Variants in NIPAL2 observed in about 807,000 individuals in gnomAD.
NIPAL2 encodes the protein NIPA like domain containing 2.
A neutral mutation model predicts 48.9 loss-of-function variants in NIPAL2; 43 were observed. The ratio of observed to expected loss-of-function variants is 0.88; its 90% CI spans 0.69 to 1.13. The LOEUF is 1.13. Among genes scored for constraint, NIPAL2 ranks in the 50% most tolerant of loss-of-function variants. NIPAL2 has a pLI of 0.00. For missense variants in NIPAL2, 446 were observed against 461.4 expected (o/e 0.97, Z 0.31); for synonymous variants, 167 against 174.6 (o/e 0.96, Z 0.34).
chr8:98,267,213 A>AT (rs1184489049), intron 1 of NIPAL2, among the ~76,000 whole-genome samples: 4 of 152,148 alleles, frequency 2.6e-5, no homozygotes, highest in Admixed American at 2.0e-4. Context: ...ACCAATTATA[A>AT]TTTTTTTAAT....
intron 1 of NIPAL2, among the ~76,000 whole-genome samples, chr8:98,260,947 G>A (rs1180223225): frequency 3.9e-5 from 6 of 152,136 alleles, no homozygotes; most frequent in Non-Finnish European, 7.4e-5. Flanking sequence ...CGGGCAGACT[G>A]CCTCCTCAAG....
At position 98,252,562 on chromosome 8, in the gene NIPAL2, C is replaced by T. The variant is rs776014553; in HGVS notation, c.277G>A (p.Gly93Ser). 6.2e-7 allele frequency: 1 copy of T among 1,614,076 alleles called. No homozygotes were observed. The highest frequency in any genetic ancestry group is 8.5e-7 in the Non-Finnish European group (1 of 1,180,004). The change falls in exon 3 of 11, where the codon GGT (glycine) becomes AGT (serine). Residue 93 changes from glycine (G) to serine (S), a missense_variant. By Grantham distance (56) the Gly-to-Ser change is moderately conservative. Coordinates refer to ENST00000430223, the MANE Select transcript of NIPAL2 (RefSeq NM_001321635.2). Reference protein sequence around the residue: ...PYFKSVLWWGGVLLMAVGETG... With the variant: ...PYFKSVLWWGSVLLMAVGETG... ...TCTCCCACGGCCATCAGCAGGACAC[C>T]ACCCCACCACAGCACACTCTTGAAG...
chr8:98,288,893 A>G lies in NIPAL2; in HGVS notation c.135+5110T>C, dbSNP rs375590207. Among the ~76,000 whole-genome samples, 21 of 152,292 alleles carry G rather than the reference A, an allele frequency of 1.4e-4. No individual in the cohort carries two copies. In the East Asian group the frequency reaches 3.9e-3, roughly 28 times the overall value. ...ACAAACCCTCCCTTTCCCTCCTCCCATCACAACCCTCTCTCTTCCCCAGAG... is the reference window on the plus strand; with the variant it reads ...ACAAACCCTCCCTTTCCCTCCTCCCGTCACAACCCTCTCTCTTCCCCAGAG... On this transcript the variant is annotated intron_variant, in intron 1 of 10. Coordinates refer to ENST00000430223, the MANE Select transcript of NIPAL2 (RefSeq NM_001321635.2).
At chr8:98,263,554 A>G (rs1375396630) in intron 1 of NIPAL2, among the ~76,000 whole-genome samples, 2 of 149,992 alleles carry the variant, frequency 1.3e-5, no homozygotes, top group African/African-American at 5.0e-5. Context: ...TCCTCGACAC[A>G]TACACTCTCC....
chr8:98,263,604 C>G (rs982796230), intron 1 of NIPAL2, among the ~76,000 whole-genome samples: 8 of 147,804 alleles, frequency 5.4e-5, no homozygotes, highest in Non-Finnish European at 1.2e-4. Context: ...CTGAATAGAC[C>G]AATAACAGGA....
chr8:98,256,286 G>A (rs951560884), intron 1 of NIPAL2, among the ~76,000 whole-genome samples: 5 of 152,142 alleles, frequency 3.3e-5, no homozygotes, highest in Non-Finnish European at 5.9e-5. Context: ...AGCTCCCAAA[G>A]TGCTGGGATT....
rs1314025617 is a variant in NIPAL2 at position 98,208,269 on chromosome 8, T to C, written c.656-3023A>G. Among the ~76,000 whole-genome samples, 3 of 152,334 alleles carry C rather than the reference T, an allele frequency of 2.0e-5. No homozygotes were observed. The East Asian group carries it at 5.8e-4, about 29-fold the overall frequency. On this transcript the variant is annotated intron_variant, in intron 6 of 10. Coordinates refer to ENST00000430223, the MANE Select transcript of NIPAL2 (RefSeq NM_001321635.2). ...TGTTTTTGAAATTTGGCCCTCTCAA[T>C]TCCCTCTTAGATTTTCATCAATATA...
intron 5 of NIPAL2, among the ~76,000 whole-genome samples, chr8:98,215,542 A>G (rs141785904): frequency 2.6e-5 from 4 of 152,278 alleles, no homozygotes; most frequent in African/African-American, 9.6e-5. Context: ...TCCTGTTACG[A>G]ATTCGTTGAA....
Position 98,223,753 on chromosome 8 carries a change from C to A in NIPAL2, c.437-1153G>T, listed in dbSNP as rs76158711. Reference sequence around the variant, plus strand: ...TACAAGGAAGTTTCCTATAATGTAACAATTTATTCTGTAATACTTTGTGAA... The same window carrying A: ...TACAAGGAAGTTTCCTATAATGTAAAAATTTATTCTGTAATACTTTGTGAA... On this transcript the variant is annotated intron_variant, in intron 4 of 10. Coordinates refer to ENST00000430223, the MANE Select transcript of NIPAL2 (RefSeq NM_001321635.2). Among the ~76,000 whole-genome samples, 1,507 of 152,270 alleles carry A rather than the reference C, an allele frequency of 9.9e-3. 22 individuals are homozygous for A. The highest frequency in any genetic ancestry group is 0.034 in the African/African-American group (1,399 of 41,550).
In NIPAL2 at chr8:98,294,176, G is replaced by A; in HGVS notation, c.-39C>T. 7.6e-7 allele frequency: 1 copy of A among 1,316,732 alleles called. No individual in the cohort carries two copies. Among genetic ancestry groups the A allele is most frequent in the Non-Finnish European group, 9.7e-7 (1 of 1,035,270 alleles). 81.6% of individuals were successfully genotyped at this position (1,316,732 alleles called of 1,614,324 possible). A position where few individuals can be genotyped will look rare whatever the true frequency, so the allele number is the denominator to read the frequency against. ...CGGCGCTCGGGCTCCGGCTCGGGCT[G>A]CGGCCGCCTCCCCGCCCTGTTGCAC... On this transcript the variant is annotated 5_prime_UTR_variant, in exon 1 of 11. Coordinates refer to ENST00000430223, the MANE Select transcript of NIPAL2 (RefSeq NM_001321635.2).
At chr8:98,282,632 C>T (rs1297468101) in intron 1 of NIPAL2, among the ~76,000 whole-genome samples, 3 of 152,084 alleles carry the variant, frequency 2.0e-5, no homozygotes, top group Non-Finnish European at 2.9e-5. Flanking sequence ...ATGATTGTAC[C>T]ACTGCATCCA....
At chr8:98,222,263 C>T (rs1586339170) in intron 5 of NIPAL2, among the ~76,000 whole-genome samples, 1 of 151,958 alleles carries the variant, frequency 6.6e-6, no homozygotes, top group African/African-American at 2.4e-5. Context: ...GTGGATTAAT[C>T]GATGTGGAAA....
At chr8:98,220,303 T>C (rs1811790612) in intron 5 of NIPAL2, among the ~76,000 whole-genome samples, 1 of 152,200 alleles carries the variant, frequency 6.6e-6, no homozygotes. Flanking sequence ...ACTAGGCATA[T>C]AAAGTAGGAT....
chr8:98,230,155 T>G (rs1380869175), intron 4 of NIPAL2, among the ~76,000 whole-genome samples: 1 of 152,194 alleles, frequency 6.6e-6, no homozygotes, highest in East Asian at 1.9e-4. Context: ...GGCCACTGAA[T>G]GGACAGCTCA....
At chr8:98,208,796 G>C (rs543025769) in intron 6 of NIPAL2, among the ~76,000 whole-genome samples, 1 of 152,068 alleles carries the variant, frequency 6.6e-6, no homozygotes, top group African/African-American at 2.4e-5. Flanking sequence ...TGGGCCACTC[G>C]CCAGAAGCCA....
chr8:98,288,611 G>C (rs1033815600), intron 1 of NIPAL2, among the ~76,000 whole-genome samples: 1 of 150,088 alleles, frequency 6.7e-6, no homozygotes, highest in Non-Finnish European at 1.5e-5. Flanking sequence ...CTGAGGAATC[G>C]CCACACTGAC....
rs759586242 is a variant in NIPAL2, at chr8:98,212,398, C to G, written c.655+7G>C. The stretch of plus-strand genomic sequence containing the variant: ...TTAAAGAATAAGAAAACAAAATATG[C>G]CTTTACCTAGAATTGCCACCAGGGT... On this transcript the variant is annotated splice_region_variant and intron_variant, in intron 6 of 10. Transcript: ENST00000430223. 1.3e-6 allele frequency: 2 copies of G among 1,512,330 alleles called. No individual in the cohort carries two copies. The highest frequency in any genetic ancestry group is 1.8e-6 in the Non-Finnish European group (2 of 1,089,610). The allele number at this position is 1,512,330 out of a possible 1,614,324, so 93.7% of individuals were successfully genotyped here.
At chr8:98,269,544 A>AAAATATT (rs1251980150) in intron 1 of NIPAL2, among the ~76,000 whole-genome samples, 3 of 152,186 alleles carry the variant, frequency 2.0e-5, no homozygotes, top group African/African-American at 7.2e-5. Flanking sequence ...TGGCGGGTTT[A>AAAATATT]AAATATTAAG....
At chr8:98,256,631 T>TA (rs34524696) in intron 1 of NIPAL2, among the ~76,000 whole-genome samples, 103,968 of 146,854 alleles carry the variant, frequency 0.71, 39,756 homozygotes, top group Non-Finnish European at 0.86. Context: ...TGGCTATAAT[T>TA]AAAAAAAAAA....
Sources: gnomAD v4.1 joint callset for allele counts (sites outside exome capture counted in the v4.1 genomes callset) on GRCh38, gnomAD v4.1.1 for gene constraint, MANE v1.5 for transcripts, NCBI Gene and HGNC (gene_info 2026-07-23, HGNC 2026-07-21) for gene names.